Variants in SERPINA9 observed in about 807,000 individuals in gnomAD.
SERPINA9 encodes the protein serpin family A member 9, also known as serpin A9.
SERPINA9 carries 32 observed loss-of-function variants against 24.5 expected under a neutral mutation model. The ratio of observed to expected loss-of-function variants is 1.30; its 90% CI spans 0.98 to 1.75. The LOEUF (loss-of-function observed/expected upper bound fraction) is 1.75. Ranked by LOEUF, SERPINA9 falls within the 40% of genes most tolerant of loss-of-function variation. SERPINA9 has a pLI of 0.00. For missense variants in SERPINA9, 594 were observed against 497.1 expected, an observed-to-expected ratio of 1.19 and a Z score of -1.85; for synonymous variants, 233 against 197.7, an observed-to-expected ratio of 1.18 and a Z score of -1.50.
Position 94,467,285 on chromosome 14 carries a change from C to T in SERPINA9, c.726G>A (p.Gln242=), listed in dbSNP as rs1899052005. The change falls in exon 3 of 5, where the codon CAG becomes CAA. Residue 242 remains glutamine, a synonymous_variant. Coordinates refer to ENST00000674397, the MANE Select transcript of SERPINA9 (RefSeq NM_175739.4). The part of the protein sequence containing the change: ...QVTVHVPMMH[Q]KEQFAFGVDT... ...CCACCCCAAAAGCGAACTGCTCTTT[C>T]TGGTGCATCATGGGGACATGCACAG... 6.2e-7 allele frequency: 1 copy of T among 1,614,148 alleles called. No individual in the cohort carries two copies. The highest frequency in any genetic ancestry group is 8.5e-7 in the Non-Finnish European group (1 of 1,179,984).
Position 94,475,264 on chromosome 14 carries a change from G to A in SERPINA9, c.-18+872C>T, listed in dbSNP as rs556221662. On this transcript the variant is annotated intron_variant, in intron 1 of 4. Transcript: ENST00000674397. ...GTCCACTGTGGGTTCCCAACCACCA[G>A]CCTTTATCCACCCGGCAACATGTAA... 7.5e-4 allele frequency among the ~76,000 whole-genome samples: 114 copies of A among 152,222 alleles called. 1 individual carries two copies. The highest frequency in any genetic ancestry group is 2.6e-4 in the Non-Finnish European group (18 of 68,020).
At chr14:94,475,756 A>C (rs551749138) in intron 1 of SERPINA9, among the ~76,000 whole-genome samples, 5 of 152,314 alleles carry the variant, frequency 3.3e-5, no homozygotes, top group Non-Finnish European at 5.9e-5. Flanking sequence ...GTTAGTTTGG[A>C]AACTGTTCAA....
chr14:94,464,957 T>C (rs1898931711), intron 3 of SERPINA9, 103 bp from the exon 4 acceptor site: 1 of 948,042 alleles, frequency 1.1e-6, no homozygotes, highest in African/African-American at 1.7e-5. Flanking sequence ...CTCCAACCAC[T>C]GCTAATTTCT....
chr14:94,465,986 C>T (rs367556537), intron 3 of SERPINA9, among the ~76,000 whole-genome samples: 2 of 152,220 alleles, frequency 1.3e-5, no homozygotes, highest in East Asian at 1.9e-4. Context: ...CAGTCCTCAT[C>T]TGACAGGTGT....
At chr14:94,471,963 C>T (rs886124456) in intron 1 of SERPINA9, among the ~76,000 whole-genome samples, 4 of 152,196 alleles carry the variant, frequency 2.6e-5, no homozygotes, top group African/African-American at 9.7e-5. Context: ...CATCTCCCTC[C>T]TCTGGTCATG....
intron 1 of SERPINA9, among the ~76,000 whole-genome samples, chr14:94,473,865 C>T (rs771184451): frequency 2.5e-4 from 38 of 152,312 alleles, no homozygotes; most frequent in Admixed American, 1.1e-3. Context: ...GCATTGTCCT[C>T]GAATTGCTTC....
At position 94,476,174 on chromosome 14, in the gene SERPINA9, G is replaced by T; in HGVS notation, c.-56C>A. 6.2e-7 allele frequency: 1 copy of T among 1,614,036 alleles called. No individual in the cohort carries two copies. Among genetic ancestry groups the T allele is most frequent in the Non-Finnish European group, 8.5e-7 (1 of 1,180,016 alleles). ...TCTTCTCCTGCCCTGTCCTTGCATG[G>T]TTGGTGAGCCCTGACACTTGCTTAC... On this transcript the variant is annotated 5_prime_UTR_variant, in exon 1 of 5. Transcript: ENST00000674397.
intron 1 of SERPINA9, among the ~76,000 whole-genome samples, chr14:94,470,591 G>A (rs566102116): frequency 2.4e-4 from 36 of 152,288 alleles, no homozygotes; most frequent in African/African-American, 6.7e-4. Context: ...CCTGACATTC[G>A]TGGTGGACAA....
chr14:94,468,707 T>C (rs1305908264), intron 2 of SERPINA9, among the ~76,000 whole-genome samples: 1 of 152,226 alleles, frequency 6.6e-6, no homozygotes, highest in African/African-American at 2.4e-5. Context: ...TACATCTATA[T>C]CTATATCTAT....
At chr14:94,474,745 G>A (rs562510895) in intron 1 of SERPINA9, among the ~76,000 whole-genome samples, 13 of 152,084 alleles carry the variant, frequency 8.5e-5, no homozygotes, top group South Asian at 6.2e-4. Context: ...ACACTCTGCC[G>A]TCCCCAGGGC....
At chr14:94,475,455 CACA>C (rs1453321882) in intron 1 of SERPINA9, among the ~76,000 whole-genome samples, 1 of 152,040 alleles carries the variant, frequency 6.6e-6, no homozygotes, top group Non-Finnish European at 1.5e-5. Flanking sequence ...CACACACACA[CACA>C]CACACTGAGC....
At chr14:94,474,319 T>TTC (rs1899472575) in intron 1 of SERPINA9, among the ~76,000 whole-genome samples, 3 of 152,042 alleles carry the variant, frequency 2.0e-5, no homozygotes, top group Non-Finnish European at 4.4e-5. Flanking sequence ...CCAAGTCTTG[T>TTC]TTCTTTTGGG....
At chr14:94,463,688 A>G (rs780838017) in intron 4 of SERPINA9, among the ~76,000 whole-genome samples, 9 of 152,220 alleles carry the variant, frequency 5.9e-5, no homozygotes, top group Non-Finnish European at 1.2e-4. Context: ...ACTTGCCAGC[A>G]GTAGTAATTG....
At chr14:94,473,032 G>A (rs1027466467) in intron 1 of SERPINA9, among the ~76,000 whole-genome samples, 5 of 152,178 alleles carry the variant, frequency 3.3e-5, no homozygotes, top group African/African-American at 9.7e-5. Flanking sequence ...AACCCACTGG[G>A]GGATGGCTGC....
In SERPINA9 at chr14:94,462,967, G is replaced by A; in HGVS notation, c.*126C>T. On this transcript the variant is annotated 3_prime_UTR_variant, in exon 5 of 5. Coordinates refer to ENST00000674397, the MANE Select transcript of SERPINA9 (RefSeq NM_175739.4). ...ATGGTTTGGTGATTGAGCCTTGGAA[G>A]TGGCATCCCTGCCAGCGAATCCAGC... The A allele has an allele frequency of 1.3e-6, 1 of 774,908 alleles. No individual in the cohort carries two copies. Among genetic ancestry groups the A allele is most frequent in the African/African-American group, 1.7e-5 (1 of 58,708 alleles). 48.0% of individuals were successfully genotyped at this position (774,908 alleles called of 1,614,324 possible). A position where few individuals can be genotyped will look rare whatever the true frequency, so the allele number is the denominator to read the frequency against.
In SERPINA9 at chr14:94,462,983, C is replaced by T. The variant is rs980829223; in HGVS notation, c.*110G>A. On this transcript the variant is annotated 3_prime_UTR_variant, in exon 5 of 5. Coordinates refer to ENST00000674397, the MANE Select transcript of SERPINA9 (RefSeq NM_175739.4). ...GCCTTGGAAGTGGCATCCCTGCCAGCGAATCCAGCTCCACTGGGGTCAAAT... is the reference window on the plus strand; with the variant it reads ...GCCTTGGAAGTGGCATCCCTGCCAGTGAATCCAGCTCCACTGGGGTCAAAT... 2.1e-5 allele frequency: 20 copies of T among 930,766 alleles called. No homozygotes were observed. The highest frequency in any genetic ancestry group is 2.9e-5 in the Non-Finnish European group (17 of 586,988). The allele number at this position is 930,766 out of a possible 1,614,324, so 57.7% of individuals were successfully genotyped here.
chr14:94,475,382 G>C (rs150799468), intron 1 of SERPINA9, among the ~76,000 whole-genome samples: 1 of 152,030 alleles, frequency 6.6e-6, no homozygotes, highest in Admixed American at 6.5e-5. Context: ...TGCCCACCCT[G>C]CTACATGTGT....
chr14:94,474,700 T>G (rs1899496357), intron 1 of SERPINA9, among the ~76,000 whole-genome samples: 1 of 152,098 alleles, frequency 6.6e-6, no homozygotes, highest in African/African-American at 2.4e-5. Flanking sequence ...ATGTGAGCGT[T>G]CGGCCAGGGG....
rs149513801 is a variant in SERPINA9, at chr14:94,475,559, C to T, written c.-18+577G>A. ...CTCAAAGGGCATCCTCTCTGCCTAT[C>T]CCTACTTTCCCAGTCGCCCCTCTCT... On this transcript the variant is annotated intron_variant, in intron 1 of 4. Transcript: ENST00000674397. 3.3e-5 allele frequency among the ~76,000 whole-genome samples: 5 copies of T among 152,234 alleles called. No individual in the cohort carries two copies. The East Asian group carries it at 7.7e-4, about 24-fold the overall frequency.
Sources: allele counts gnomAD v4.1 joint callset (sites outside exome capture counted in the v4.1 genomes callset), GRCh38; gene constraint gnomAD v4.1.1; transcripts MANE v1.5; gene names NCBI Gene and HGNC (gene_info 2026-07-23, HGNC 2026-07-21).